The following GALNT1 variants were observed in gnomAD, a reference collection of about 807,000 sequenced individuals.
The protein encoded by GALNT1 is GalNAc transferase 1.
GALNT1 carries 17 observed loss-of-function variants against 65.7 expected under a neutral mutation model. The ratio of observed to expected loss-of-function variants is 0.26; its 90% CI spans 0.18 to 0.39. The LOEUF (loss-of-function observed/expected upper bound fraction) is 0.39, where lower values mean the gene tolerates loss of function less well. Among genes scored for constraint, GALNT1 ranks in the 10% least tolerant of loss-of-function variants. The pLI is 1.00. For synonymous variants in GALNT1, 210 were observed against 219.7 expected, an observed-to-expected ratio of 0.96 and a Z score of 0.39; for missense variants, 460 against 672.8, an observed-to-expected ratio of 0.68 and a Z score of 3.50.
At chr18:35,603,317 GGA>G (rs1254293039) in intron 1 of GALNT1, among the ~76,000 whole-genome samples, 1 of 152,096 alleles carries the variant, frequency 6.6e-6, no homozygotes, top group African/African-American at 2.4e-5. Context: ...GGGGTATTGT[GGA>G]GAGAGAAGTC....
At chr18:35,619,162 G>A (rs1003223667) in intron 1 of GALNT1, among the ~76,000 whole-genome samples, 3 of 152,134 alleles carry the variant, frequency 2.0e-5, no homozygotes, top group African/African-American at 4.8e-5. Context: ...CCAGAACACT[G>A]TCTTTCTGTA....
chr18:35,671,758 A>G (rs2144529756), intron 3 of GALNT1, among the ~76,000 whole-genome samples: 1 of 152,130 alleles, frequency 6.6e-6, no homozygotes. Context: ...TTCCTTTATT[A>G]GTAAGACCTA....
intron 1 of GALNT1, among the ~76,000 whole-genome samples, chr18:35,645,710 T>C (rs968221848): frequency 1.3e-5 from 2 of 152,218 alleles, no homozygotes; most frequent in African/African-American, 2.4e-5. Context: ...TTTTGTTTTT[T>C]TCCCCCTAAT....
At chr18:35,666,871 T>C (rs1425684290) in intron 3 of GALNT1, among the ~76,000 whole-genome samples, 3 of 152,084 alleles carry the variant, frequency 2.0e-5, no homozygotes, top group Non-Finnish European at 4.4e-5. Flanking sequence ...GCCTAGGAGG[T>C]AGCGCAGAGT....
intron 1 of GALNT1, among the ~76,000 whole-genome samples, chr18:35,607,176 A>G (rs2046660832): frequency 6.6e-6 from 1 of 152,116 alleles, no homozygotes; most frequent in African/African-American, 2.4e-5. Flanking sequence ...ACACAGTGCC[A>G]TGGGAGAGTA....
chr18:35,648,913 G>A lies in GALNT1; in HGVS notation c.-103-5647G>A, dbSNP rs111589900. ...ATTCCTTTTTCAGCCCTTGGCAGCC[G>A]CTGATCTGATTTATTGCTGGTTGCT... is the stretch of plus-strand genomic sequence containing the variant. On this transcript the variant is annotated intron_variant, in intron 1 of 11. Transcript: ENST00000269195. Among the ~76,000 whole-genome samples, 845 of 152,250 alleles carry A rather than the reference G, an allele frequency of 5.6e-3. 10 individuals are homozygous for A. The highest frequency in any genetic ancestry group is 0.019 in the African/African-American group (775 of 41,528).
intron 6 of GALNT1, among the ~76,000 whole-genome samples, chr18:35,688,612 T>C (rs758008237): frequency 1.3e-5 from 2 of 152,198 alleles, no homozygotes; most frequent in Non-Finnish European, 2.9e-5. Flanking sequence ...ATTGATTTTA[T>C]TCTATATTTT....
chr18:35,650,243 G>A (rs553362078), intron 1 of GALNT1, among the ~76,000 whole-genome samples: 34 of 152,272 alleles, frequency 2.2e-4, no homozygotes, highest in African/African-American at 7.9e-4. Context: ...CCCCCGAGCC[G>A]TAAAACCAGC....
intron 2 of GALNT1, among the ~76,000 whole-genome samples, chr18:35,662,419 A>G (rs942335776): frequency 2.0e-5 from 3 of 152,196 alleles, no homozygotes; most frequent in African/African-American, 4.8e-5. Context: ...TCTGAAATCT[A>G]TTTTTAAATT....
At chr18:35,610,133 A>G (rs2046698845) in intron 1 of GALNT1, among the ~76,000 whole-genome samples, 2 of 152,194 alleles carry the variant, frequency 1.3e-5, no homozygotes, top group Admixed American at 1.3e-4. Flanking sequence ...TGGAAGCCAG[A>G]GAAAGCATGA....
intron 1 of GALNT1, chr18:35,597,564 C>T (rs781061609): frequency 4.6e-5 from 7 of 152,312 alleles, no homozygotes; most frequent in Non-Finnish European, 7.3e-5. Flanking sequence ...ACATGCTGCT[C>T]CTTTAATTAT....
At chr18:35,608,438 T>G (rs2046677780) in intron 1 of GALNT1, among the ~76,000 whole-genome samples, 1 of 152,232 alleles carries the variant, frequency 6.6e-6, no homozygotes, top group South Asian at 2.1e-4. Flanking sequence ...TCCCTGTTGC[T>G]TGAGGCCACC....
intron 1 of GALNT1, among the ~76,000 whole-genome samples, chr18:35,622,383 C>A (rs1237518156): frequency 6.6e-6 from 1 of 152,090 alleles, no homozygotes; most frequent in Admixed American, 6.5e-5. Flanking sequence ...TCCCAAGTAG[C>A]TGGGACTATA....
chr18:35,639,599 T>A (rs1281887871), intron 1 of GALNT1, among the ~76,000 whole-genome samples: 1 of 152,162 alleles, frequency 6.6e-6, no homozygotes, highest in Non-Finnish European at 1.5e-5. Context: ...AACAATATAG[T>A]AGACATAAAA....
intron 2 of GALNT1, among the ~76,000 whole-genome samples, chr18:35,660,143 G>C (rs2047456523): frequency 6.6e-6 from 1 of 152,158 alleles, no homozygotes; most frequent in Non-Finnish European, 1.5e-5. Flanking sequence ...CAGTAAAAAT[G>C]TTAATTGTGT....
chr18:35,677,657 G>A lies in GALNT1; in HGVS notation c.381G>A (p.Glu127=). The stretch of plus-strand genomic sequence containing the variant: ...GTGTGGTGATTGTTTTCCACAATGA[G>A]GCTTGGAGCACACTTCTGCGAACTG... ...TTSVVIVFHN[E]AWSTLLRTVH... is the part of the protein sequence containing the mutation. The change falls in exon 4 of 12, where the codon GAG becomes GAA. Residue 127 remains glutamate, a synonymous_variant. Transcript: ENST00000269195. 1 of 1,613,252 alleles carries A rather than the reference G, an allele frequency of 6.2e-7. No individual in the cohort carries two copies. The highest frequency in any genetic ancestry group is 1.1e-5 in the South Asian group (1 of 91,004).
In GALNT1 at chr18:35,687,162, A is replaced by C. The variant is rs756647432; in HGVS notation, c.836A>C (p.Lys279Thr). The C allele has an allele frequency of 3.1e-6, 5 of 1,613,614 alleles. No individual in the cohort carries two copies. In the African/African-American group the frequency reaches 6.7e-5, roughly 22 times the overall value. Residue 279 changes from lysine to threonine, a missense_variant, in exon 6 of 12, where the codon AAA becomes ACA. By Grantham distance (78) the Lys-to-Thr change is moderately conservative (BLOSUM62 -1). Transcript: ENST00000269195. ...CCCCAAAGAGAAATGGACAGAAGGA[A>C]AGGTGATCGGACTCTTCCTGTCAGG... ...PVPQREMDRR[K>T]GDRTLPVRTP...
intron 2 of GALNT1, among the ~76,000 whole-genome samples, chr18:35,658,744 C>T (rs2047433413): frequency 6.7e-6 from 1 of 149,622 alleles, no homozygotes; most frequent in Non-Finnish European, 1.5e-5. Context: ...GAGTCTTACT[C>T]TGTCACCCAG....
At chr18:35,603,051 C>T (rs2046601755) in intron 1 of GALNT1, among the ~76,000 whole-genome samples, 1 of 152,188 alleles carries the variant, frequency 6.6e-6, no homozygotes, top group Non-Finnish European at 1.5e-5. Context: ...ATCACTGCCT[C>T]CTTTTTGGCA....
Sources: gnomAD v4.1 joint callset for allele counts (sites outside exome capture counted in the v4.1 genomes callset) on GRCh38, gnomAD v4.1.1 for gene constraint, MANE v1.5 for transcripts, NCBI Gene and HGNC (gene_info 2026-07-23, HGNC 2026-07-21) for gene names.